MYLIP: variants seen among roughly 807,000 people sequenced by gnomAD.
MYLIP encodes E3 ubiquitin-protein ligase MYLIP.
MYLIP carries 26 observed loss-of-function variants against 45.8 expected under a neutral mutation model. The observed-to-expected ratio is 0.57, with a 90% confidence interval of 0.42 to 0.79. MYLIP has a LOEUF of 0.79. Among genes scored for constraint, MYLIP ranks in the 30% least tolerant of loss-of-function variants. The pLI, the probability that MYLIP is intolerant of heterozygous loss-of-function variation, is 0.00. For missense variants in MYLIP, 494 were observed against 555.6 expected, an observed-to-expected ratio of 0.89 and a Z score of 1.11; for synonymous variants, 213 against 218.1, an observed-to-expected ratio of 0.98 and a Z score of 0.21.
intron 3 of MYLIP, 103 bp from the exon 4 acceptor site, chr6:16,142,917 T>G: frequency 8.6e-7 from 1 of 1,169,052 alleles, no homozygotes; most frequent in East Asian, 2.6e-5. Context: ...TAAGTTGTTG[T>G]GATTCATCAG....
At chr6:16,135,215 T>C (rs2113522953) in intron 2 of MYLIP, among the ~76,000 whole-genome samples, 1 of 152,338 alleles carries the variant, frequency 6.6e-6, no homozygotes, top group Non-Finnish European at 1.5e-5. Flanking sequence ...GGCTGATCTA[T>C]ATTGTTGGGA....
the MYLIP span, among the ~76,000 whole-genome samples, chr6:16,156,793 C>T: frequency 6.6e-6 from 1 of 152,200 alleles, no homozygotes; most frequent in African/African-American, 2.4e-5. Flanking sequence ...CCACCTGTTA[C>T]CTAATGAAAA....
At chr6:16,154,095 C>T in the MYLIP span, among the ~76,000 whole-genome samples, 1 of 152,126 alleles carries the variant, frequency 6.6e-6, no homozygotes, top group Non-Finnish European at 1.5e-5. Flanking sequence ...AAGAGCTTTT[C>T]CCTCTTCATA....
intron 6 of MYLIP, 66 bp from the exon 7 acceptor site, chr6:16,146,596 C>T: frequency 7.9e-7 from 1 of 1,267,698 alleles, no homozygotes; most frequent in Non-Finnish European, 1.1e-6. Context: ...CAGGGGTGTG[C>T]ACAGAGACAC....
At chr6:16,133,389 T>G (rs1759494016) in intron 2 of MYLIP, among the ~76,000 whole-genome samples, 2 of 152,376 alleles carry the variant, frequency 1.3e-5, no homozygotes, top group Admixed American at 6.5e-5. Context: ...GAGTTCTGAT[T>G]TGGCCTAATT....
At chr6:16,160,930 T>TG in the MYLIP span, 1 of 152,792 alleles carries the variant, frequency 6.5e-6, no homozygotes, top group Non-Finnish European at 1.5e-5. Context: ...CAGGGCCTGG[T>TG]GGGGCTCCTG....
Position 16,143,109 on chromosome 6 carries a change from A to G in MYLIP, c.554A>G (p.Tyr185Cys), listed in dbSNP as rs766328328. The change falls in exon 4 of 7, where the codon TAT becomes TGT. Residue 185 changes from tyrosine (Y) to cysteine (C), a missense_variant. Coordinates refer to ENST00000356840, the MANE Select transcript of MYLIP (RefSeq NM_013262.4). Reference protein sequence around the residue: ...VLQIVSAMENYGIEWHSVRDS... With the variant: ...VLQIVSAMENCGIEWHSVRDS... Reference sequence around the variant, plus strand: ...CAGATTGTGTCGGCAATGGAAAACTATGGCATAGAATGGCATTCTGTGCGG... The same window carrying G: ...CAGATTGTGTCGGCAATGGAAAACTGTGGCATAGAATGGCATTCTGTGCGG... The G allele has an allele frequency of 1.4e-5, 23 of 1,614,106 alleles. No individual in the cohort carries two copies. The highest frequency in any genetic ancestry group is 1.8e-5 in the Non-Finnish European group (21 of 1,180,044).
At chr6:16,142,137 T>C (rs1331767286) in intron 3 of MYLIP, among the ~76,000 whole-genome samples, 1 of 152,230 alleles carries the variant, frequency 6.6e-6, no homozygotes, top group Non-Finnish European at 1.5e-5. Flanking sequence ...CATATATTCA[T>C]AGAGCTATCA....
At chr6:16,156,029 C>T in the MYLIP span, among the ~76,000 whole-genome samples, 3 of 152,106 alleles carry the variant, frequency 2.0e-5, no homozygotes, top group African/African-American at 7.2e-5. Flanking sequence ...ATGAAGGGAA[C>T]CTGAAAAGGG....
In MYLIP at chr6:16,135,748, CATATATCTATATAT is replaced by C. The variant is rs1188487193; in HGVS notation, c.278+5008_278+5021del. On this transcript the variant is annotated intron_variant, in intron 2 of 6. Coordinates refer to ENST00000356840, the MANE Select transcript of MYLIP (RefSeq NM_013262.4). ...TACACACATTATATGTGTGTGTATA[CATATATCTATATAT>C]ATATATATATATATATGTATGCTAT... 4.0e-4 allele frequency among the ~76,000 whole-genome samples: 45 copies of C among 113,160 alleles called. No individual in the cohort carries two copies. The South Asian group carries it at 9.5e-3, about 24-fold the overall frequency. 74.2% of individuals were successfully genotyped at this position (113,160 alleles called of 152,430 possible). A position where few individuals can be genotyped will look rare whatever the true frequency, so the allele number is the denominator to read the frequency against.
At position 16,143,756 on chromosome 6, in the gene MYLIP, G is replaced by A. The variant is rs112531050; in HGVS notation, c.720G>A (p.Thr240=). 1.9e-5 allele frequency: 31 copies of A among 1,613,988 alleles called. No individual in the cohort carries two copies. The highest frequency in any genetic ancestry group is 6.7e-5 in the East Asian group (3 of 44,884). The stretch of plus-strand genomic sequence containing the variant: ...AGTCAGGAAAGAATGTATATTTGAC[G>A]GTCACCAAGGAATCTGGGAACAGCA... ...ATQSGKNVYL[T]VTKESGNSIV... The change falls in exon 5 of 7, where the codon ACG becomes ACA. Residue 240 remains threonine (T), a synonymous_variant. Coordinates refer to ENST00000356840, the MANE Select transcript of MYLIP (RefSeq NM_013262.4).
chr6:16,146,833 G>T lies in MYLIP; in HGVS notation c.*82G>T. 55 of 1,095,914 alleles carry T rather than the reference G, an allele frequency of 5.0e-5. No homozygotes were observed. The highest frequency in any genetic ancestry group is 2.6e-4 in the Middle Eastern group (1 of 3,888). 67.9% of individuals were successfully genotyped at this position (1,095,914 alleles called of 1,614,324 possible). A position where few individuals can be genotyped will look rare whatever the true frequency, so the allele number is the denominator to read the frequency against. On this transcript the variant is annotated 3_prime_UTR_variant, in exon 7 of 7. Coordinates refer to ENST00000356840, the MANE Select transcript of MYLIP (RefSeq NM_013262.4). ...ATTAAAATGATAGATTGTGGAGAAA[G>T]TAATTATTCCAACACCCATCTGCCA...
intron 2 of MYLIP, among the ~76,000 whole-genome samples, chr6:16,133,276 T>C (rs1244316913): frequency 5.3e-5 from 8 of 152,266 alleles, no homozygotes; most frequent in Admixed American, 3.3e-4. Flanking sequence ...ACTTTTTTCA[T>C]TGCTTTTGTG....
intron 2 of MYLIP, among the ~76,000 whole-genome samples, chr6:16,133,121 A>G (rs997661437): frequency 6.6e-6 from 1 of 152,164 alleles, no homozygotes; most frequent in Non-Finnish European, 1.5e-5. Context: ...TTGTCATAGG[A>G]CAGCACCAGG....
intron 2 of MYLIP, among the ~76,000 whole-genome samples, chr6:16,140,204 G>A (rs1378498656): frequency 6.6e-6 from 1 of 152,224 alleles, no homozygotes; most frequent in Non-Finnish European, 1.5e-5. Context: ...GAGAGGTTAT[G>A]ACAAGTCATC....
At chr6:16,138,842 G>C (rs1759608243) in intron 2 of MYLIP, among the ~76,000 whole-genome samples, 1 of 152,198 alleles carries the variant, frequency 6.6e-6, no homozygotes, top group Non-Finnish European at 1.5e-5. Context: ...GGCATCCTCT[G>C]CACTCCAGGC....
intron 5 of MYLIP, among the ~76,000 whole-genome samples, chr6:16,144,351 G>T (rs1759740686): frequency 6.6e-6 from 1 of 152,136 alleles, no homozygotes; most frequent in Non-Finnish European, 1.5e-5. Flanking sequence ...TTTCTTTCTG[G>T]CAGAGCTGCT....
At chr6:16,133,445 G>A (rs192884969) in intron 2 of MYLIP, among the ~76,000 whole-genome samples, 252 of 152,254 alleles carry the variant, frequency 1.7e-3, no homozygotes, top group Middle Eastern at 0.014. Flanking sequence ...TCTTGAATAT[G>A]AGCCTCAAAT....
chr6:16,144,616 A>C (rs560641260), intron 5 of MYLIP, among the ~76,000 whole-genome samples: 9 of 152,292 alleles, frequency 5.9e-5, no homozygotes, highest in Admixed American at 4.6e-4. Flanking sequence ...TTTCTTCCAT[A>C]AGCAACTTCA....
Sources: gnomAD v4.1 joint callset for allele counts (sites outside exome capture counted in the v4.1 genomes callset) on GRCh38, gnomAD v4.1.1 for gene constraint, MANE v1.5 for transcripts, NCBI Gene and HGNC (gene_info 2026-07-23, HGNC 2026-07-21) for gene names.